THG1L: variants seen among roughly 807,000 people sequenced by gnomAD.
The protein encoded by THG1L is probable tRNA(His) guanylyltransferase.
THG1L carries 27 observed loss-of-function variants against 35.2 expected under a neutral mutation model. The observed-to-expected ratio is 0.77, with a 90% confidence interval of 0.57 to 1.06. The LOEUF is 1.06. Among genes scored for constraint, THG1L ranks in the 50% least tolerant of loss-of-function variants. THG1L has a pLI of 0.00. For missense variants in THG1L, 377 were observed against 371.8 expected (o/e 1.01, Z -0.12); for synonymous variants, 135 against 132.4 (o/e 1.02, Z -0.14).
At chr5:157,737,420 T>C (rs1760915263) in intron 4 of THG1L, among the ~76,000 whole-genome samples, 1 of 151,832 alleles carries the variant, frequency 6.6e-6, no homozygotes, top group Non-Finnish European at 1.5e-5. Context: ...GAGGTGGCAG[T>C]TGCAGTGAGC....
At position 157,740,985 on chromosome 5, in the gene THG1L, C is replaced by A. The variant is rs1283908017; in HGVS notation, c.*1503C>A. 1 of 151,186 alleles carries A rather than the reference C, an allele frequency of 6.6e-6. No individual in the cohort carries two copies. Among genetic ancestry groups the A allele is most frequent in the Non-Finnish European group, 1.5e-5 (1 of 68,028 alleles). The allele number at this position is 151,186 out of a possible 1,614,324, so 9.4% of individuals were successfully genotyped here. A position where few individuals can be genotyped will look rare whatever the true frequency, so the allele number is the denominator to read the frequency against. ...CTTTGGGGGGCTGAGGCAGGTAGAT[C>A]ACTTCAGGCCAGGAGTCCAAGACCA... On this transcript the variant is annotated 3_prime_UTR_variant, in exon 6 of 6. Transcript: ENST00000231198.
chr5:157,733,944 C>A (rs1416733109), intron 2 of THG1L, among the ~76,000 whole-genome samples: 8 of 152,050 alleles, frequency 5.3e-5, no homozygotes, highest in Non-Finnish European at 8.8e-5. Context: ...TCCACCCCAG[C>A]CTGAGGGACA....
chr5:157,737,337 G>T (rs757984383), intron 4 of THG1L, among the ~76,000 whole-genome samples: 4 of 152,086 alleles, frequency 2.6e-5, no homozygotes, highest in Non-Finnish European at 5.9e-5. Context: ...ACAAAAATTA[G>T]CTGGGTGTGC....
At chr5:157,737,627 A>G (rs2113046069) in intron 4 of THG1L, among the ~76,000 whole-genome samples, 1 of 152,302 alleles carries the variant, frequency 6.6e-6, no homozygotes. Context: ...CAAATACATA[A>G]TATGTATTCA....
intron 1 of THG1L, among the ~76,000 whole-genome samples, chr5:157,732,576 A>C (rs1348361090): frequency 2.6e-5 from 4 of 152,214 alleles, no homozygotes; most frequent in African/African-American, 9.6e-5. Context: ...AGGTATGATT[A>C]CTTTTATCTT....
At position 157,740,902 on chromosome 5, in the gene THG1L, C is replaced by CA. The variant is rs376120882; in HGVS notation, c.*1436dup. On this transcript the variant is annotated 3_prime_UTR_variant, in exon 6 of 6. Coordinates refer to ENST00000231198, the MANE Select transcript of THG1L (RefSeq NM_017872.5). ...CTGGGCAACGAGCGAAACTACATCT[C>CA]AAAAAAAAAAAAAAAAGACATGGCT... The CA allele has an allele frequency of 0.48, 55,571 of 116,284 alleles. 12,187 individuals carry two copies. The highest frequency in any genetic ancestry group is 0.6 in the Middle Eastern group (119 of 198). The allele number at this position is 116,284 out of a possible 1,614,324, so 7.2% of individuals were successfully genotyped here. A position where few individuals can be genotyped will look rare whatever the true frequency, so the allele number is the denominator to read the frequency against.
intron 4 of THG1L, among the ~76,000 whole-genome samples, chr5:157,736,946 T>C (rs1410555412): frequency 6.6e-6 from 1 of 152,148 alleles, no homozygotes; most frequent in African/African-American, 2.4e-5. Flanking sequence ...ACAGATCTTT[T>C]ATTTGTATTT....
rs530868369 is a variant in THG1L at position 157,737,452 on chromosome 5, C to T, written c.628-435C>T. The stretch of plus-strand genomic sequence containing the variant: ...GAGCTGAGATTGCACCACTGCACTC[C>T]AACCTGGGCAACAGAGTGAGACTTT... On this transcript the variant is annotated intron_variant, in intron 4 of 5. Coordinates refer to ENST00000231198, the MANE Select transcript of THG1L (RefSeq NM_017872.5). 1.1e-3 allele frequency among the ~76,000 whole-genome samples: 162 copies of T among 151,910 alleles called. 1 individual carries two copies. Among genetic ancestry groups the T allele is most frequent in the African/African-American group, 3.8e-3 (158 of 41,424 alleles).
chr5:157,735,463 C>T (rs1760847298), intron 3 of THG1L, among the ~76,000 whole-genome samples: 1 of 152,180 alleles, frequency 6.6e-6, no homozygotes, highest in Admixed American at 6.5e-5. Flanking sequence ...AATTGTGACC[C>T]TTGCCTTATG....
Position 157,735,874 on chromosome 5 carries a change from T to G in THG1L, c.567T>G (p.Val189=), listed in dbSNP as rs1760858038. The change falls in exon 4 of 6, where the codon GTT becomes GTG. Residue 189 remains valine, a synonymous_variant. Transcript: ENST00000231198. ...DCHINNLYNT[V]FWALIQQSGL... is the part of the protein sequence containing the mutation. ...ACATCAATAATCTTTATAATACAGT[T>G]TTCTGGGCACTTATACAACAATCTG... The G allele has an allele frequency of 6.2e-7, 1 of 1,606,244 alleles. No homozygotes were observed. The highest frequency in any genetic ancestry group is 2.2e-5 in the East Asian group (1 of 44,768).
intron 1 of THG1L, 138 bp downstream of exon 1, chr5:157,731,769 C>A: frequency 9.0e-7 from 1 of 1,113,270 alleles, no homozygotes; most frequent in Non-Finnish European, 1.3e-6. Context: ...CAGCATGGAG[C>A]ATTGCCCCGC....
intron 1 of THG1L, among the ~76,000 whole-genome samples, chr5:157,731,976 G>T (rs1760735721): frequency 6.6e-6 from 1 of 152,150 alleles, no homozygotes; most frequent in South Asian, 2.1e-4. Context: ...TATTCTGTTA[G>T]ATATCTTTGA....
chr5:157,733,074 G>C lies in THG1L; in HGVS notation c.368+30G>C, dbSNP rs565959311. 8.1e-6 allele frequency: 13 copies of C among 1,604,766 alleles called. No homozygotes were observed. In the African/African-American group the frequency reaches 1.1e-4, roughly 13 times the overall value. Reference sequence around the variant, plus strand: ...TTCCATGACCTAACTCCTTTCTTCAGAATATTTCCTCCCAGCATCTGGTTT... The same window carrying C: ...TTCCATGACCTAACTCCTTTCTTCACAATATTTCCTCCCAGCATCTGGTTT... On this transcript the variant is annotated intron_variant, in intron 2 of 5. Transcript: ENST00000231198.
Position 157,731,421 on chromosome 5 carries a change from C to T in THG1L, c.-20C>T, listed in dbSNP as rs747107503. 1 of 1,571,434 alleles carries T rather than the reference C, an allele frequency of 6.4e-7. No individual in the cohort carries two copies. The highest frequency in any genetic ancestry group is 2.3e-5 in the East Asian group (1 of 44,256). The stretch of plus-strand genomic sequence containing the variant: ...ACTTCCGGGGCGGGGCTATCTGGCC[C>T]TTTCCTTTCCGCGTGTAGAATGTGG... On this transcript the variant is annotated 5_prime_UTR_variant, in exon 1 of 6. Coordinates refer to ENST00000231198, the MANE Select transcript of THG1L (RefSeq NM_017872.5).
At chr5:157,734,817 G>A in intron 3 of THG1L, 72 bp downstream of exon 3, 3 of 1,563,182 alleles carry the variant, frequency 1.9e-6, no homozygotes, top group Non-Finnish European at 2.6e-6. Context: ...ATCTGATACA[G>A]GATTGGCTCA....
At chr5:157,736,129 C>G (rs1389946640) in intron 4 of THG1L, among the ~76,000 whole-genome samples, 195 bp downstream of exon 4, 1 of 152,192 alleles carries the variant, frequency 6.6e-6, no homozygotes, top group African/African-American at 2.4e-5. Flanking sequence ...ATTACTGCTT[C>G]TCCCTGAGCC....
At chr5:157,732,784 A>G in intron 1 of THG1L, 84 bp from the exon 2 acceptor site, 2 of 1,524,190 alleles carry the variant, frequency 1.3e-6, no homozygotes, top group East Asian at 2.3e-5. Flanking sequence ...ATCTTCCTCC[A>G]AACAGCCTCT....
chr5:157,734,651 GCCCCTTCTGTATC>G lies in THG1L; in HGVS notation c.449_461del (p.Leu150GlnfsTer16). On this transcript the variant is annotated frameshift_variant, in exon 3 of 6. Coordinates refer to ENST00000231198, the MANE Select transcript of THG1L (RefSeq NM_017872.5). LOFTEE classifies it high-confidence loss of function. Reference sequence around the variant, plus strand: ...ATTGGCGGGATTACTTTGAGGACCAGCCCCTTCTGTATCCCCCAGGCTTTGACGGAAGAGTCGT... The same window carrying G: ...ATTGGCGGGATTACTTTGAGGACCAGCCCCAGGCTTTGACGGAAGAGTCGT... 3 of 1,614,078 alleles carry G rather than the reference GCCCCTTCTGTATC, an allele frequency of 1.9e-6. No homozygotes were observed. Among genetic ancestry groups the G allele is most frequent in the Non-Finnish European group, 2.5e-6 (3 of 1,180,020 alleles).
intron 5 of THG1L, chr5:157,738,815 T>C (rs1760952153): frequency 4.2e-6 from 1 of 239,030 alleles, no homozygotes; most frequent in Non-Finnish European, 8.1e-6. Flanking sequence ...TGCTTCAGAA[T>C]AGTATAACCT....
Sources: allele counts gnomAD v4.1 joint callset (sites outside exome capture counted in the v4.1 genomes callset), GRCh38; gene constraint gnomAD v4.1.1; transcripts MANE v1.5; gene names NCBI Gene and HGNC (gene_info 2026-07-23, HGNC 2026-07-21).